CHD7: variants seen among roughly 807,000 people sequenced by gnomAD.
CHD7 encodes the protein ATP-dependent chromatin remodeler CHD7.
Under a neutral mutation model 307.3 loss-of-function variants are expected in CHD7, and 24 were observed. The ratio of observed to expected loss-of-function variants is 0.08; its 90% CI spans 0.06 to 0.11. CHD7 has a LOEUF of 0.11. Ranked by LOEUF, CHD7 falls within the 10% of genes least tolerant of loss-of-function variation. CHD7 has a pLI of 1.00. For missense variants in CHD7, 3,106 were observed against 3,727.1 expected (o/e 0.83, Z 4.34); for synonymous variants, 1,363 against 1,349.9 (o/e 1.01, Z -0.21).
At chr8:60,826,007 G>A (rs1804240580) in intron 13 of CHD7, among the ~76,000 whole-genome samples, 1 of 151,980 alleles carries the variant, frequency 6.6e-6, no homozygotes. Flanking sequence ...CAATCTTTGG[G>A]CTATTTCAAA....
At chr8:60,679,557 G>T in intron 1 of CHD7, 1 of 148,232 alleles carries the variant, frequency 6.7e-6, no homozygotes, top group South Asian at 1.8e-4. Flanking sequence ...AAAGGAAGGA[G>T]GAAAAGTTGG....
intron 6 of CHD7, among the ~76,000 whole-genome samples, chr8:60,804,339 C>A (rs1812445254): frequency 6.6e-6 from 1 of 151,558 alleles, no homozygotes; most frequent in South Asian, 2.1e-4. Flanking sequence ...TAATTCAAAT[C>A]CTTTTTTTTT....
At chr8:60,856,258 T>C (rs1805703089) in intron 33 of CHD7, 56 bp downstream of exon 33, 1 of 1,393,608 alleles carries the variant, frequency 7.2e-7, no homozygotes, top group Admixed American at 2.5e-5. Flanking sequence ...AAGCCTTAAC[T>C]GAGTTTGCGA....
chr8:60,798,428 C>T (rs1812134941), intron 4 of CHD7, among the ~76,000 whole-genome samples: 1 of 152,216 alleles, frequency 6.6e-6, no homozygotes. Context: ...ATCTAACTAT[C>T]TATTTGATGG....
intron 13 of CHD7, among the ~76,000 whole-genome samples, chr8:60,826,655 A>G (rs1258004195): frequency 6.6e-6 from 1 of 152,206 alleles, no homozygotes; most frequent in South Asian, 2.1e-4. Flanking sequence ...CTCTGCAGAC[A>G]CCAAGGAAAT....
chr8:60,712,990 C>T (rs1404485473), intron 1 of CHD7, among the ~76,000 whole-genome samples: 6 of 144,546 alleles, frequency 4.2e-5, no homozygotes, highest in East Asian at 4.3e-4. Context: ...GGGGGAGTTA[C>T]GCTGAGCCGA....
At chr8:60,686,757 A>T (rs1342257340) in intron 1 of CHD7, among the ~76,000 whole-genome samples, 1 of 151,998 alleles carries the variant, frequency 6.6e-6, no homozygotes, top group African/African-American at 2.4e-5. Context: ...TAGTATCCTC[A>T]GTGTAAAACA....
At chr8:60,780,653 C>A (rs992625752) in intron 2 of CHD7, among the ~76,000 whole-genome samples, 1 of 152,164 alleles carries the variant, frequency 6.6e-6, no homozygotes, top group East Asian at 1.9e-4. Context: ...TAGATGTATT[C>A]TTTGTGGCTT....
At chr8:60,684,990 GGATA>G (rs1349440543) in intron 1 of CHD7, among the ~76,000 whole-genome samples, 3 of 152,106 alleles carry the variant, frequency 2.0e-5, no homozygotes, top group Non-Finnish European at 2.9e-5. Context: ...TAGGACTTGG[GGATA>G]GATGCGCTCT....
intron 1 of CHD7, among the ~76,000 whole-genome samples, chr8:60,724,815 G>A (rs1808087774): frequency 1.3e-5 from 2 of 152,028 alleles, no homozygotes; most frequent in South Asian, 4.1e-4. Context: ...TTTAATAAAG[G>A]CCAATAAAAA....
chr8:60,702,110 T>C (rs1243232067), intron 1 of CHD7, among the ~76,000 whole-genome samples: 1 of 152,268 alleles, frequency 6.6e-6, no homozygotes, highest in Non-Finnish European at 1.5e-5. Flanking sequence ...GCTTTCAGTT[T>C]CCTCATTTAC....
chr8:60,837,748 G>A lies in CHD7; in HGVS notation c.4266G>A (p.Arg1422=). ...YRLITRNSYE[R]EMFDKASLKL... is the part of the protein sequence containing the mutation. ...TGATTACAAGAAATTCCTATGAAAG[G>A]GAAATGTTCGACAAGGCTAGTTTGA... is the stretch of plus-strand genomic sequence containing the variant. Residue 1422 remains arginine (R), a synonymous_variant, in exon 18 of 38, where the codon AGG becomes AGA. Transcript: ENST00000423902. The A allele has an allele frequency of 6.2e-7, 1 of 1,612,282 alleles. No individual in the cohort carries two copies. The highest frequency in any genetic ancestry group is 8.5e-7 in the Non-Finnish European group (1 of 1,179,050).
intron 3 of CHD7, among the ~76,000 whole-genome samples, chr8:60,792,642 A>G (rs1037259937): frequency 6.6e-6 from 1 of 152,180 alleles, no homozygotes; most frequent in Non-Finnish European, 1.5e-5. Context: ...GCAGATGGAA[A>G]ATCATTAGCA....
intron 3 of CHD7, among the ~76,000 whole-genome samples, chr8:60,791,312 A>G (rs146065369): frequency 2.6e-5 from 4 of 152,294 alleles, no homozygotes; most frequent in Non-Finnish European, 5.9e-5. Context: ...TGGCCTAGTT[A>G]TTCTTCCAAC....
At chr8:60,706,169 A>G (rs1807013767) in intron 1 of CHD7, among the ~76,000 whole-genome samples, 1 of 152,138 alleles carries the variant, frequency 6.6e-6, no homozygotes, top group Admixed American at 6.5e-5. Flanking sequence ...GATTACATTC[A>G]TTGGATCTGA....
intron 6 of CHD7, among the ~76,000 whole-genome samples, chr8:60,807,742 A>T (rs1375113704): frequency 6.6e-6 from 1 of 152,260 alleles, no homozygotes; most frequent in Non-Finnish European, 1.5e-5. Flanking sequence ...TAGAGTTATT[A>T]AGTATATGGA....
intron 1 of CHD7, among the ~76,000 whole-genome samples, chr8:60,699,381 A>G (rs939439800): frequency 3.3e-5 from 5 of 152,206 alleles, no homozygotes; most frequent in African/African-American, 1.2e-4. Context: ...CCAATATCTT[A>G]ATGTCACCAA....
chr8:60,723,860 G>T (rs1212937927), intron 1 of CHD7, among the ~76,000 whole-genome samples: 1 of 152,206 alleles, frequency 6.6e-6, no homozygotes, highest in Non-Finnish European at 1.5e-5. Context: ...CGAAGACCCT[G>T]TTGCATAGTG....
At chr8:60,683,125 T>C (rs1359311926) in intron 1 of CHD7, among the ~76,000 whole-genome samples, 2 of 152,264 alleles carry the variant, frequency 1.3e-5, no homozygotes, top group Non-Finnish European at 2.9e-5. Context: ...AAATTCAGAA[T>C]TTAGCATTTT....
Sources: allele counts gnomAD v4.1 joint callset (sites outside exome capture counted in the v4.1 genomes callset), GRCh38; gene constraint gnomAD v4.1.1; transcripts MANE v1.5; gene names NCBI Gene and HGNC (gene_info 2026-07-23, HGNC 2026-07-21).